DNAH7: variants seen among roughly 807,000 people sequenced by gnomAD.
The protein encoded by DNAH7 is axonemal beta dynein heavy chain 7.
A neutral mutation model predicts 444.6 loss-of-function variants in DNAH7; 397 were observed. The ratio of observed to expected loss-of-function variants is 0.89; its 90% CI spans 0.82 to 0.97. DNAH7 has a LOEUF of 0.97. Ranked by LOEUF, DNAH7 falls within the 50% of genes least tolerant of loss-of-function variation. DNAH7 has a pLI of 0.00. For synonymous variants in DNAH7, 1,636 were observed against 1,624.4 expected (o/e 1.01, Z -0.17); for missense variants, 4,902 against 4,800.8 (o/e 1.02, Z -0.62).
intron 24 of DNAH7, among the ~76,000 whole-genome samples, chr2:195,914,409 G>A (rs967383636): frequency 2.0e-4 from 31 of 152,196 alleles, no homozygotes; most frequent in African/African-American, 7.5e-4. Flanking sequence ...TGGGTACAAG[G>A]TACAGCTGTA....
intron 7 of DNAH7, among the ~76,000 whole-genome samples, 196 bp from the exon 8 acceptor site, chr2:196,024,700 T>C (rs1342346627): frequency 6.6e-6 from 1 of 152,134 alleles, no homozygotes; most frequent in Non-Finnish European, 1.5e-5. Context: ...GTCTGTGTCT[T>C]TGAGGATATA....
intron 10 of DNAH7, among the ~76,000 whole-genome samples, chr2:196,012,306 G>T (rs1366602017): frequency 6.6e-6 from 1 of 152,010 alleles, no homozygotes; most frequent in Non-Finnish European, 1.5e-5. Context: ...CCAATCCAAG[G>T]AGATATTCAA....
chr2:196,042,706 G>A (rs1365063001), intron 5 of DNAH7, among the ~76,000 whole-genome samples: 3 of 152,016 alleles, frequency 2.0e-5, no homozygotes, highest in African/African-American at 7.2e-5. Flanking sequence ...ACAAAATGTG[G>A]GTAAGGTGGA....
At chr2:195,808,933 G>T in intron 52 of DNAH7, 57 bp from the exon 53 acceptor site, 1 of 1,450,440 alleles carries the variant, frequency 6.9e-7, no homozygotes, top group Non-Finnish European at 9.4e-7. Flanking sequence ...AAACTAGTAA[G>T]CTTACAACCA....
At chr2:196,051,369 G>C (rs973696302) in intron 2 of DNAH7, 120 bp from the exon 3 acceptor site, 6 of 770,102 alleles carry the variant, frequency 7.8e-6, no homozygotes, top group Admixed American at 6.3e-5. Flanking sequence ...CATATTCAAA[G>C]ATAAACTTTA....
chr2:196,010,200 A>T (rs1362280368), intron 10 of DNAH7, among the ~76,000 whole-genome samples: 1 of 149,032 alleles, frequency 6.7e-6, no homozygotes, highest in African/African-American at 2.5e-5. Flanking sequence ...CCCAGGCTGG[A>T]GTGCAGTGGT....
chr2:195,767,347 A>G (rs1694635582), intron 61 of DNAH7, among the ~76,000 whole-genome samples: 1 of 152,056 alleles, frequency 6.6e-6, no homozygotes, highest in Non-Finnish European at 1.5e-5. Context: ...GTTTTTATAT[A>G]GTCATTCTTT....
intron 17 of DNAH7, among the ~76,000 whole-genome samples, chr2:195,964,254 A>G (rs1345986502): frequency 1.3e-5 from 2 of 152,202 alleles, no homozygotes; most frequent in South Asian, 2.1e-4. Flanking sequence ...CATTTTAACA[A>G]TATTGATTCT....
At position 195,922,135 on chromosome 2, in the gene DNAH7, A is replaced by T. The variant is rs1175965784; in HGVS notation, c.3888T>A (p.Gly1296=). 2.5e-6 allele frequency: 4 copies of T among 1,613,402 alleles called. No homozygotes were observed. In the Admixed American group the frequency reaches 6.7e-5, roughly 27 times the overall value. ...GTGTAATAACCAGCCTAGGGGAATT[A>T]CCCAGATATTCATATCCATATCGCA... The part of the protein sequence containing the change: ...AGLRYGYEYL[G]NSPRLVITPL... Residue 1296 remains glycine, a synonymous_variant, in exon 24 of 65, where the codon GGT becomes GGA. Coordinates refer to ENST00000312428, the MANE Select transcript of DNAH7 (RefSeq NM_018897.3).
intron 61 of DNAH7, among the ~76,000 whole-genome samples, chr2:195,767,295 T>G (rs1694633090): frequency 6.6e-6 from 1 of 152,126 alleles, no homozygotes; most frequent in Non-Finnish European, 1.5e-5. Context: ...GAATATAGTC[T>G]GATGATCTGA....
chr2:195,921,351 G>GTACA (rs1404623859), intron 24 of DNAH7, among the ~76,000 whole-genome samples: 1 of 95,930 alleles, frequency 1.0e-5, no homozygotes. Flanking sequence ...AAAATGTGGT[G>GTACA]TACACACACA....
chr2:196,032,027 G>T (rs1053401910), intron 5 of DNAH7, among the ~76,000 whole-genome samples: 1 of 152,170 alleles, frequency 6.6e-6, no homozygotes, highest in Non-Finnish European at 1.5e-5. Flanking sequence ...ACCCGAAACT[G>T]GGCAATTTAC....
At chr2:196,047,307 G>T in intron 5 of DNAH7, 45 bp downstream of exon 5, 1 of 1,455,500 alleles carries the variant, frequency 6.9e-7, no homozygotes, top group South Asian at 1.6e-5. Context: ...CGTTGCCAGG[G>T]GCTCTAACAT....
chr2:195,894,204 T>C (rs891703377), intron 30 of DNAH7: 2 of 152,076 alleles, frequency 1.3e-5, no homozygotes, highest in Non-Finnish European at 2.9e-5. Context: ...TTATTCTCTA[T>C]AGAAAGTAAA....
rs559061040 is a variant in DNAH7, at chr2:195,875,072, C to T, written c.6286+603G>A. On this transcript the variant is annotated intron_variant, in intron 38 of 64. Transcript: ENST00000312428. ...AATCAAGCCATTTTAGACACCCCAG[C>T]ATTAAAAAGCAAATTTCCTCTACAC... Among the ~76,000 whole-genome samples the T allele has an allele frequency of 1.4e-3, 218 of 152,242 alleles. 1 individual carries two copies. The highest frequency in any genetic ancestry group is 4.8e-3 in the African/African-American group (199 of 41,552).
chr2:196,035,037 C>T (rs1344610702), intron 5 of DNAH7, among the ~76,000 whole-genome samples: 2 of 152,078 alleles, frequency 1.3e-5, no homozygotes, highest in African/African-American at 2.4e-5. Context: ...CAAAAATTAG[C>T]TGGTTATGGT....
At chr2:195,878,238 TAGCTAACAGTGGA>T (rs1442117644) in intron 36 of DNAH7, among the ~76,000 whole-genome samples, 1 of 152,232 alleles carries the variant, frequency 6.6e-6, no homozygotes, top group Non-Finnish European at 1.5e-5. Context: ...ATATTTTTAT[TAGCTAACAGTGGA>T]AGCCATATGG....
At chr2:195,905,675 G>C (rs1005154119) in intron 27 of DNAH7, 2 of 151,842 alleles carry the variant, frequency 1.3e-5, no homozygotes, top group Non-Finnish European at 2.9e-5. Context: ...GATATAAAAT[G>C]GTTAACCAAA....
intron 5 of DNAH7, 90 bp downstream of exon 5, chr2:196,047,262 A>C: frequency 6.0e-5 from 72 of 1,203,692 alleles, no homozygotes; most frequent in Non-Finnish European, 7.3e-5. Context: ...AGGCACCCTT[A>C]GAGATGCACA....
Sources: gnomAD v4.1 joint callset for allele counts (sites outside exome capture counted in the v4.1 genomes callset) on GRCh38, gnomAD v4.1.1 for gene constraint, MANE v1.5 for transcripts, NCBI Gene and HGNC (gene_info 2026-07-23, HGNC 2026-07-21) for gene names.